The following MYO16 variants were observed in gnomAD, a reference collection of about 807,000 sequenced individuals.
MYO16 encodes unconventional myosin-XVI.
MYO16 carries 94 observed loss-of-function variants against 205.3 expected under a neutral mutation model. That is an observed-to-expected ratio of 0.46 (90% CI 0.39 to 0.54). The LOEUF (loss-of-function observed/expected upper bound fraction) is 0.54. Among genes scored for constraint, MYO16 ranks in the 20% least tolerant of loss-of-function variants. The probability of loss-of-function intolerance (pLI) is 0.00; values close to 1 mark genes in which losing one functional copy is unlikely to be tolerated. For missense variants in MYO16, 2,315 were observed against 2,387.5 expected (o/e 0.97, Z 0.63); for synonymous variants, 988 against 954.0 (o/e 1.04, Z -0.66).
At position 108,793,659 on chromosome 13, in the gene MYO16, C is replaced by A. The variant is rs1334443072; in HGVS notation, c.741+19C>A. 5.6e-6 allele frequency: 9 copies of A among 1,602,858 alleles called. No homozygotes were observed. In the South Asian group the frequency reaches 1.0e-4, roughly 18 times the overall value. ...AACCCTGGTAAGTTCATATATTTGACTCAGAAACTATTTGAATAGAGAATT... is the reference window on the plus strand; with the variant it reads ...AACCCTGGTAAGTTCATATATTTGAATCAGAAACTATTTGAATAGAGAATT... On this transcript the variant is annotated intron_variant, in intron 6 of 34. Transcript: ENST00000457511.
chr13:108,558,399 G>A, the MYO16 span, among the ~76,000 whole-genome samples: 1 of 152,206 alleles, frequency 6.6e-6, no homozygotes, highest in African/African-American at 2.4e-5. Flanking sequence ...CCTTAGGTCT[G>A]CTTTGAATCA....
intron 12 of MYO16, among the ~76,000 whole-genome samples, chr13:108,870,797 ATTATTGT>A (rs1879014203): frequency 1.3e-5 from 2 of 151,372 alleles, no homozygotes; most frequent in South Asian, 2.1e-4. Context: ...GTATAATTTG[ATTATTGT>A]TTATGTTGTA....
chr13:108,737,821 A>G (rs1021307197), intron 4 of MYO16, among the ~76,000 whole-genome samples: 1 of 152,090 alleles, frequency 6.6e-6, no homozygotes, highest in Non-Finnish European at 1.5e-5. Flanking sequence ...AGAGCCTGTT[A>G]TTGGTCTATT....
chr13:108,738,465 C>G (rs1018965122), intron 4 of MYO16, among the ~76,000 whole-genome samples: 1 of 152,136 alleles, frequency 6.6e-6, no homozygotes, highest in Non-Finnish European at 1.5e-5. Context: ...GTTTCTCAAT[C>G]CTGAGTTCTA....
chr13:108,670,103 A>G (rs561278360), intron 2 of MYO16, among the ~76,000 whole-genome samples: 1 of 152,270 alleles, frequency 6.6e-6, no homozygotes, highest in Admixed American at 6.5e-5. Flanking sequence ...AAAATAAAAT[A>G]AAAATAATTC....
intron 23 of MYO16, among the ~76,000 whole-genome samples, chr13:109,027,513 A>G (rs1023094004): frequency 6.6e-6 from 1 of 152,144 alleles, no homozygotes; most frequent in Non-Finnish European, 1.5e-5. Context: ...GTCTGTACTC[A>G]TAGAATTCAT....
upstream of MYO16, chr13:108,596,121 G>A (rs1878549393): frequency 6.6e-6 from 1 of 150,538 alleles, no homozygotes; most frequent in Middle Eastern, 3.2e-3. Flanking sequence ...GACGGGGGAG[G>A]GATGTGTCAG....
intron 20 of MYO16, among the ~76,000 whole-genome samples, chr13:108,972,808 A>G (rs750375953): frequency 1.3e-5 from 2 of 152,016 alleles, no homozygotes; most frequent in African/African-American, 4.8e-5. Flanking sequence ...CACATGGGTT[A>G]GAAACAATGA....
At chr13:109,071,216 A>T (rs577327491) in intron 27 of MYO16, among the ~76,000 whole-genome samples, 2 of 152,314 alleles carry the variant, frequency 1.3e-5, no homozygotes, top group Admixed American at 1.3e-4. Flanking sequence ...TTAAAATAGT[A>T]TTCTTATAAA....
chr13:108,622,108 T>G (rs1008634935), intron 1 of MYO16, among the ~76,000 whole-genome samples: 1 of 152,124 alleles, frequency 6.6e-6, no homozygotes, highest in Non-Finnish European at 1.5e-5. Flanking sequence ...TGGGTAAACA[T>G]GGCATAATTA....
the MYO16 span, among the ~76,000 whole-genome samples, chr13:108,528,674 C>T: frequency 1.9e-5 from 2 of 106,146 alleles, no homozygotes; most frequent in African/African-American, 7.3e-5. Flanking sequence ...CTCCCCTCTC[C>T]TCTCCTCTCG....
intron 6 of MYO16, among the ~76,000 whole-genome samples, chr13:108,799,473 A>T (rs977224478): frequency 6.6e-6 from 1 of 152,226 alleles, no homozygotes; most frequent in African/African-American, 2.4e-5. Context: ...TTAAGGTGGC[A>T]TTGACCATGA....
chr13:108,859,981 G>A (rs540670849), intron 11 of MYO16, among the ~76,000 whole-genome samples: 43 of 152,124 alleles, frequency 2.8e-4, no homozygotes, highest in African/African-American at 7.5e-4. Flanking sequence ...ATGCCACTCC[G>A]GGTGACCCAG....
chr13:109,044,089 C>G (rs2139586505), intron 23 of MYO16, among the ~76,000 whole-genome samples: 1 of 152,062 alleles, frequency 6.6e-6, no homozygotes. Flanking sequence ...CAGTCAGATC[C>G]AATGATTGAC....
At chr13:108,695,670 C>T (rs962726791) in intron 2 of MYO16, among the ~76,000 whole-genome samples, 2 of 151,914 alleles carry the variant, frequency 1.3e-5, no homozygotes, top group South Asian at 2.1e-4. Context: ...ACTTAGTAAG[C>T]AGTTACTTAC....
intron 20 of MYO16, among the ~76,000 whole-genome samples, chr13:108,974,566 A>C (rs1186808555): frequency 6.6e-6 from 1 of 152,120 alleles, no homozygotes; most frequent in African/African-American, 2.4e-5. Flanking sequence ...GTCTCCTTTT[A>C]GTTCTTGAGG....
chr13:108,748,262 G>A (rs115636532), intron 4 of MYO16, among the ~76,000 whole-genome samples: 2,355 of 151,956 alleles, frequency 0.015, 66 homozygotes, highest in African/African-American at 0.054. Flanking sequence ...ATTATATGTA[G>A]CCCAAAAAAG....
chr13:108,854,904 T>C (rs983547716), intron 10 of MYO16, among the ~76,000 whole-genome samples: 12 of 152,210 alleles, frequency 7.9e-5, no homozygotes, highest in African/African-American at 2.9e-4. Context: ...GCTACCTTAA[T>C]CTTAAAAGTA....
At chr13:108,886,995 G>A (rs898044511) in intron 13 of MYO16, among the ~76,000 whole-genome samples, 1 of 152,026 alleles carries the variant, frequency 6.6e-6, no homozygotes, top group East Asian at 1.9e-4. Context: ...CCATTTTTAC[G>A]AATATGATAA....
Sources: gnomAD v4.1 joint callset for allele counts (sites outside exome capture counted in the v4.1 genomes callset) on GRCh38, gnomAD v4.1.1 for gene constraint, MANE v1.5 for transcripts, NCBI Gene and HGNC (gene_info 2026-07-23, HGNC 2026-07-21) for gene names.